The following PAQR7 variants were observed in gnomAD, a reference collection of about 807,000 sequenced individuals.
PAQR7 encodes progestin and adipoQ receptor family member 7.
Under a neutral mutation model 24.6 loss-of-function variants are expected in PAQR7, and 14 were observed. The ratio of observed to expected loss-of-function variants is 0.57; its 90% CI spans 0.38 to 0.89. The LOEUF (loss-of-function observed/expected upper bound fraction) is 0.89, where lower values mean the gene tolerates loss of function less well. Ranked by LOEUF, PAQR7 falls within the 40% of genes least tolerant of loss-of-function variation. The pLI is 0.00. For missense variants in PAQR7, 351 were observed against 444.0 expected, an observed-to-expected ratio of 0.79 and a Z score of 1.88; for synonymous variants, 189 against 198.8, an observed-to-expected ratio of 0.95 and a Z score of 0.42.
In PAQR7 at chr1:25,861,998, AGAGC is replaced by A. The variant is rs1205915376; in HGVS notation, c.*797_*800del. On this transcript the variant is annotated 3_prime_UTR_variant, in exon 3 of 3. Transcript: ENST00000675840. ...CCATTTTACTCCAGCCTAGCCAACA[AGAGC>A]GAAACTCCTCAAAAAAAAAAAAAAA... 1.5e-5 allele frequency: 2 copies of A among 137,466 alleles called. No individual in the cohort carries two copies. The highest frequency in any genetic ancestry group is 5.8e-5 in the African/African-American group (2 of 34,388). 8.5% of individuals were successfully genotyped at this position (137,466 alleles called of 1,614,324 possible).
rs373339928 is a variant in PAQR7 at position 25,863,531 on chromosome 1, G to T, written c.309C>A (p.His103Gln). 1 of 1,614,226 alleles carries T rather than the reference G, an allele frequency of 6.2e-7. No homozygotes were observed. Among genetic ancestry groups the T allele is most frequent in the Admixed American group, 1.7e-5 (1 of 60,024 alleles). ...VETVDFWGDP[H>Q]ALPLFIIVLA... ...GGACAATGATGAAGAGGGGCAGGGC[G>T]TGTGGGTCTCCCCAGAAGTCCACGG... Residue 103 changes from histidine to glutamine, a missense_variant, in exon 3 of 3, where the codon CAC becomes CAA. His to Gln is a conservative substitution (Grantham distance 24). Coordinates refer to ENST00000675840, the MANE Select transcript of PAQR7 (RefSeq NM_178422.6). The surrounding 1 kb of genome is among the most constrained non-coding windows in gnomAD (Gnocchi z 6.1).
In PAQR7 at chr1:25,863,020, C is replaced by T. The variant is rs780974980; in HGVS notation, c.820G>A (p.Gly274Ser). ...AAGAAGATGTGGAAAAGTTGGTGGC[C>T]CTGCCCGAAGACATGGCAGCTGCCA... The part of the protein sequence containing the change: ...FPGSCHVFGQ[G>S]HQLFHIFLVL... Residue 274 changes from glycine (G) to serine (S), a missense_variant, in exon 3 of 3, where the codon GGC (glycine) becomes AGC (serine). Transcript: ENST00000675840. The surrounding 1 kb of genome is among the most constrained non-coding windows in gnomAD (Gnocchi z 6.1). The T allele has an allele frequency of 9.3e-6, 15 of 1,614,038 alleles. No individual in the cohort carries two copies. Among genetic ancestry groups the T allele is most frequent in the Admixed American group, 1.7e-5 (1 of 60,006 alleles).
chr1:25,873,389 C>A (rs569765964), intron 1 of PAQR7, among the ~76,000 whole-genome samples: 11 of 152,318 alleles, frequency 7.2e-5, no homozygotes, highest in African/African-American at 2.6e-4. Flanking sequence ...CCCTGGCTGG[C>A]CTCCCAGTCT....
At position 25,875,044 on chromosome 1, in the gene PAQR7, T is replaced by G. The variant is rs2048637849; in HGVS notation, c.-109+444A>C. ...CTCCTCCAGAAAGCAGTGAGCTCCC[T>G]GACTGTCCTGCTCCAGGAAGGCAGC... On this transcript the variant is annotated intron_variant, in intron 1 of 2. Coordinates refer to ENST00000675840, the MANE Select transcript of PAQR7 (RefSeq NM_178422.6). The surrounding 1 kb of genome is among the most constrained non-coding windows in gnomAD (Gnocchi z 5.4). 6.6e-6 allele frequency among the ~76,000 whole-genome samples: 1 copy of G among 152,212 alleles called. No homozygotes were observed. Among genetic ancestry groups the G allele is most frequent in the South Asian group, 2.1e-4 (1 of 4,832 alleles).
Position 25,862,754 on chromosome 1 carries a change from C to A in PAQR7, c.*45G>T. The A allele has an allele frequency of 6.4e-7, 1 of 1,563,614 alleles. No individual in the cohort carries two copies. Among genetic ancestry groups the A allele is most frequent in the South Asian group, 1.2e-5 (1 of 84,320 alleles). ...CCCACCTGGAGCCAAACCCAGACCC[C>A]TGTCCCCCAACTATACCTCCCTCCC... On this transcript the variant is annotated 3_prime_UTR_variant, in exon 3 of 3. Coordinates refer to ENST00000675840, the MANE Select transcript of PAQR7 (RefSeq NM_178422.6).
In PAQR7 at chr1:25,863,108, C is replaced by A. The variant is rs2048525360; in HGVS notation, c.732G>T (p.Gln244His). 6.2e-7 allele frequency: 1 copy of A among 1,614,136 alleles called. No homozygotes were observed. Among genetic ancestry groups the A allele is most frequent in the Non-Finnish European group, 8.5e-7 (1 of 1,180,058 alleles). ...DDPALLYHKCQVVFFLLAAAF... is the reference protein window; with the variant it reads ...DDPALLYHKCHVVFFLLAAAF... ...CAGCAGCCAGCAGAAAGAAGACCAC[C>A]TGGCACTTGTGGTAGAGAAGAGCTG... The change falls in exon 3 of 3, where the codon CAG (glutamine) becomes CAT (histidine). Residue 244 changes from glutamine (Q) to histidine (H), a missense_variant. Transcript: ENST00000675840. The surrounding 1 kb of genome is among the most constrained non-coding windows in gnomAD (Gnocchi z 6.1).
Position 25,863,055 on chromosome 1 carries a change from C to T in PAQR7, c.785G>A (p.Arg262His), listed in dbSNP as rs372516075. The change falls in exon 3 of 3, where the codon CGC (arginine) becomes CAC (histidine). Residue 262 changes from arginine to histidine, a missense_variant. Transcript: ENST00000675840. The surrounding 1 kb of genome is among the most constrained non-coding windows in gnomAD (Gnocchi z 6.1). ...GACATGGCAGCTGCCAGGGAACCAGCGCTCGGGCATGAAGGTAGAGAAGAA... is the reference window on the plus strand; with the variant it reads ...GACATGGCAGCTGCCAGGGAACCAGTGCTCGGGCATGAAGGTAGAGAAGAA... Reference protein sequence around the residue: ...AAFFSTFMPERWFPGSCHVFG... With the variant: ...AAFFSTFMPEHWFPGSCHVFG... 2.0e-5 allele frequency: 32 copies of T among 1,613,918 alleles called. No homozygotes were observed. The highest frequency in any genetic ancestry group is 8.9e-5 in the East Asian group (4 of 44,894).
At position 25,866,819 on chromosome 1, in the gene PAQR7, G is replaced by A. The variant is rs531118085; in HGVS notation, c.-22-2958C>T. Reference sequence around the variant, plus strand: ...TCAATCTCGGCTCACTGCAACCTCCGCCTCCTGGGTTCAAGCAATTCTCCT... The same window carrying A: ...TCAATCTCGGCTCACTGCAACCTCCACCTCCTGGGTTCAAGCAATTCTCCT... On this transcript the variant is annotated intron_variant, in intron 2 of 2. Coordinates refer to ENST00000675840, the MANE Select transcript of PAQR7 (RefSeq NM_178422.6). 1.2e-4 allele frequency among the ~76,000 whole-genome samples: 19 copies of A among 152,050 alleles called. No homozygotes were observed. The East Asian group carries it at 2.7e-3, about 22-fold the overall frequency.
At chr1:25,868,847 G>C (rs187531776) in intron 2 of PAQR7, among the ~76,000 whole-genome samples, 167 of 152,164 alleles carry the variant, frequency 1.1e-3, no homozygotes, top group Non-Finnish European at 2.0e-3. Context: ...AGCCACTTGA[G>C]GCCGGGCGCA....
At chr1:25,874,400 TGAG>T (rs2048631632) in intron 1 of PAQR7, among the ~76,000 whole-genome samples, 1 of 152,138 alleles carries the variant, frequency 6.6e-6, no homozygotes, top group African/African-American at 2.4e-5. Flanking sequence ...ACAGCTGCTC[TGAG>T]GAGGGGGAAT....
intron 2 of PAQR7, among the ~76,000 whole-genome samples, chr1:25,865,447 G>T (rs1159450212): frequency 6.6e-6 from 1 of 152,220 alleles, no homozygotes; most frequent in Non-Finnish European, 1.5e-5. Context: ...GGCTGAGGCA[G>T]GCGGATCACC....
In PAQR7 at chr1:25,863,925, G is replaced by C; in HGVS notation, c.-22-64C>G. 1 of 1,337,602 alleles carries C rather than the reference G, an allele frequency of 7.5e-7. No individual in the cohort carries two copies. Among genetic ancestry groups the C allele is most frequent in the East Asian group, 2.4e-5 (1 of 42,408 alleles). 82.9% of individuals were successfully genotyped at this position (1,337,602 alleles called of 1,614,324 possible). On this transcript the variant is annotated intron_variant, in intron 2 of 2. Transcript: ENST00000675840. This position sits in a 1 kb window ranked among gnomAD's most constrained non-coding sequence, Gnocchi z 6.1. ...CCTCACCCCCACGAGCAGCAGCTGG[G>C]GGGCTCTGATGCCCAAATCCTACTC...
intron 1 of PAQR7, among the ~76,000 whole-genome samples, chr1:25,873,655 C>T (rs970259194): frequency 5.3e-5 from 8 of 152,114 alleles, no homozygotes; most frequent in African/African-American, 1.9e-4. Context: ...ACTGCAGCCT[C>T]AACTGCCCAG....
Position 25,870,620 on chromosome 1 carries a change from C to G in PAQR7, c.-34G>C, listed in dbSNP as rs1368905912. 1.3e-5 allele frequency: 2 copies of G among 152,260 alleles called. No homozygotes were observed. Among genetic ancestry groups the G allele is most frequent in the African/African-American group, 4.8e-5 (2 of 41,448 alleles). The allele number at this position is 152,260 out of a possible 1,614,324, so 9.4% of individuals were successfully genotyped here. On this transcript the variant is annotated 5_prime_UTR_variant, in exon 2 of 3. Transcript: ENST00000675840. ...AAAGTTTGACTTACCTAAGATCACA[C>G]AGCAGGGCAAAGGCAAAGCCAGGTG... is the stretch of plus-strand genomic sequence containing the variant.
rs1294304753 is a variant in PAQR7 at position 25,861,563 on chromosome 1, C to T, written c.*1236G>A. On this transcript the variant is annotated 3_prime_UTR_variant, in exon 3 of 3. Coordinates refer to ENST00000675840, the MANE Select transcript of PAQR7 (RefSeq NM_178422.6). Reference sequence around the variant, plus strand: ...CCCAACCCCACTTTTCCTTCCACACCTCTTGGTCTCTGCACAGGTTTCCCT... The same window carrying T: ...CCCAACCCCACTTTTCCTTCCACACTTCTTGGTCTCTGCACAGGTTTCCCT... The T allele has an allele frequency of 6.6e-6, 1 of 152,534 alleles. No homozygotes were observed. Among genetic ancestry groups the T allele is most frequent in the African/African-American group, 2.4e-5 (1 of 41,430 alleles). The allele number at this position is 152,534 out of a possible 1,614,324, so 9.4% of individuals were successfully genotyped here.
chr1:25,865,284 T>C lies in PAQR7; in HGVS notation c.-22-1423A>G, dbSNP rs550283216. On this transcript the variant is annotated intron_variant, in intron 2 of 2. Transcript: ENST00000675840. Reference sequence around the variant, plus strand: ...TTGACGATTTTCACATTTCTCATGATTGTTCATGTGAGCTCATCAAGGGGA... The same window carrying C: ...TTGACGATTTTCACATTTCTCATGACTGTTCATGTGAGCTCATCAAGGGGA... Among the ~76,000 whole-genome samples the C allele has an allele frequency of 2.0e-4, 30 of 152,358 alleles. 1 individual carries two copies. In the East Asian group the frequency reaches 4.2e-3, roughly 22 times the overall value.
In PAQR7 at chr1:25,866,818, C is replaced by T. The variant is rs111776424; in HGVS notation, c.-22-2957G>A. ...CTCAATCTCGGCTCACTGCAACCTC[C>T]GCCTCCTGGGTTCAAGCAATTCTCC... On this transcript the variant is annotated intron_variant, in intron 2 of 2. Transcript: ENST00000675840. 1.4e-3 allele frequency among the ~76,000 whole-genome samples: 213 copies of T among 152,108 alleles called. 1 individual carries two copies. The highest frequency in any genetic ancestry group is 4.7e-3 in the African/African-American group (193 of 41,496).
intron 2 of PAQR7, among the ~76,000 whole-genome samples, chr1:25,868,546 GAAAAAATACA>G (rs1557466289): frequency 6.6e-6 from 1 of 151,394 alleles, no homozygotes; most frequent in Non-Finnish European, 1.5e-5. Context: ...CTGTCTCTAT[GAAAAAATACA>G]AAAATTCGCC....
At chr1:25,871,034 C>T (rs539627829) in intron 1 of PAQR7, 1 of 152,246 alleles carries the variant, frequency 6.6e-6, no homozygotes, top group South Asian at 2.1e-4. Context: ...AGATTTGCTT[C>T]GAGTTTTCTA....
Sources: gnomAD v4.1 joint callset for allele counts (sites outside exome capture counted in the v4.1 genomes callset) on GRCh38, gnomAD v4.1.1 for gene constraint, Gnocchi (gnomAD v3.1) non-coding constraint, MANE v1.5 for transcripts, NCBI Gene and HGNC (gene_info 2026-07-23, HGNC 2026-07-21) for gene names.